The following USP40 variants were observed in gnomAD, a reference collection of about 807,000 sequenced individuals.
The protein encoded by USP40 is ubiquitin carboxyl-terminal hydrolase 40.
Under a neutral mutation model 166.2 loss-of-function variants are expected in USP40, and 143 were observed. The observed-to-expected ratio is 0.86, with a 90% CI of 0.75 to 0.99. The LOEUF is 0.99. Ranked by LOEUF, USP40 falls within the 50% of genes least tolerant of loss-of-function variation. USP40 has a pLI of 0.00. For synonymous variants in USP40, 498 were observed against 524.0 expected, an observed-to-expected ratio of 0.95 and a Z score of 0.68; for missense variants, 1,444 against 1,479.7, an observed-to-expected ratio of 0.98 and a Z score of 0.40.
intron 8 of USP40, 133 bp downstream of exon 8, chr2:233,548,968 A>G: frequency 1.3e-6 from 1 of 782,774 alleles, no homozygotes; most frequent in Admixed American, 3.4e-5. Context: ...TTGTATCTGT[A>G]TTAACTTTCA....
intron 9 of USP40, among the ~76,000 whole-genome samples, chr2:233,541,736 A>C (rs1161948786): frequency 6.6e-6 from 1 of 152,234 alleles, no homozygotes; most frequent in East Asian, 1.9e-4. Context: ...CATATTAAAC[A>C]AACTTTAAAA....
intron 10 of USP40, among the ~76,000 whole-genome samples, chr2:233,534,400 A>G (rs749939937): frequency 6.6e-6 from 1 of 152,070 alleles, no homozygotes; most frequent in Admixed American, 6.6e-5. Context: ...CTACGCCCCT[A>G]TCCTCTCACT....
At chr2:233,566,291 G>C (rs1559294682) in intron 1 of USP40, among the ~76,000 whole-genome samples, 1 of 152,108 alleles carries the variant, frequency 6.6e-6, no homozygotes, top group African/African-American at 2.4e-5. Context: ...GTTTCACATC[G>C]AGTGTGGCGG....
At chr2:233,500,141 C>G (rs1436581163) in intron 21 of USP40, among the ~76,000 whole-genome samples, 1 of 152,158 alleles carries the variant, frequency 6.6e-6, no homozygotes, top group African/African-American at 2.4e-5. Context: ...CTGGTGTTTG[C>G]AAGCAGGACT....
chr2:233,553,039 G>T (rs989943922), intron 6 of USP40, among the ~76,000 whole-genome samples: 5 of 97,474 alleles, frequency 5.1e-5, no homozygotes, highest in African/African-American at 1.9e-4. Context: ...AGATAATAAC[G>T]ACAGCAGCAG....
intron 30 of USP40, among the ~76,000 whole-genome samples, chr2:233,482,782 C>T (rs1404400234): frequency 6.6e-6 from 1 of 152,134 alleles, no homozygotes; most frequent in African/African-American, 2.4e-5. Context: ...GATCTGCCTG[C>T]CTTGGCCTCC....
At chr2:233,545,092 G>C (rs148589760) in intron 8 of USP40, among the ~76,000 whole-genome samples, 22 of 152,298 alleles carry the variant, frequency 1.4e-4, no homozygotes, top group African/African-American at 5.1e-4. Context: ...GAAGCCTACA[G>C]TCCACAATAC....
rs2067775416 is a variant in USP40 at position 233,523,162 on chromosome 2, C to T, written c.2201+8G>A. 5 of 1,592,886 alleles carry T rather than the reference C, an allele frequency of 3.1e-6. No homozygotes were observed. Among genetic ancestry groups the T allele is most frequent in the South Asian group, 2.3e-5 (2 of 88,692 alleles). On this transcript the variant is annotated splice_region_variant and intron_variant, in intron 16 of 31. Coordinates refer to ENST00000678225, the MANE Select transcript of USP40 (RefSeq NM_001365479.2). ...TTAGAAATCCTTTTTCTCTTGTTAG[C>T]GAGTTACCTGTTATCATCATGAGAA...
At position 233,475,912 on chromosome 2, in the gene USP40, A is replaced by C. The variant is rs2064161839; in HGVS notation, c.*1480T>G. ...AGCTCTGGCGTCATCAGAAGCCTCT[A>C]TCATCTCCCTCTGCAAAGACGCAGT... On this transcript the variant is annotated 3_prime_UTR_variant, in exon 32 of 32. Coordinates refer to ENST00000678225, the MANE Select transcript of USP40 (RefSeq NM_001365479.2). 6.6e-6 allele frequency: 1 copy of C among 152,388 alleles called. No homozygotes were observed. Among genetic ancestry groups the C allele is most frequent in the Non-Finnish European group, 1.5e-5 (1 of 68,046 alleles). The allele number at this position is 152,388 out of a possible 1,614,324, so 9.4% of individuals were successfully genotyped here.
chr2:233,478,249 A>G (rs1366142562), intron 31 of USP40, among the ~76,000 whole-genome samples: 1 of 152,236 alleles, frequency 6.6e-6, no homozygotes. Context: ...ATGCAGCAGG[A>G]GGTACTGTCC....
chr2:233,482,948 TCTC>T (rs2064720156), intron 30 of USP40, among the ~76,000 whole-genome samples: 1 of 152,210 alleles, frequency 6.6e-6, no homozygotes, highest in South Asian at 2.1e-4. Flanking sequence ...GCCATTCTCT[TCTC>T]CTCTGTGAAC....
rs775436341 is a variant in USP40 at position 233,549,150 on chromosome 2, T to C, written c.917A>G (p.Tyr306Cys). The change falls in exon 8 of 32, where the codon TAC (tyrosine) becomes TGC (cysteine). Residue 306 changes from tyrosine to cysteine, a missense_variant. Transcript: ENST00000678225. Reference sequence around the variant, plus strand: ...ATCAACATCTTTAATATATACATGGTAATGGCCTCCGTAGCAGCCACCTTT... The same window carrying C: ...ATCAACATCTTTAATATATACATGGCAATGGCCTCCGTAGCAGCCACCTTT... ...IHKGGCYGGH[Y>C]HVYIKDVDHL... 10 of 1,601,392 alleles carry C rather than the reference T, an allele frequency of 6.2e-6. No individual in the cohort carries two copies. Among genetic ancestry groups the C allele is most frequent in the Non-Finnish European group, 8.5e-6 (10 of 1,172,624 alleles).
chr2:233,565,527 A>G lies in USP40; in HGVS notation c.28T>C (p.Tyr10His). The change falls in exon 2 of 32, where the codon TAT (tyrosine) becomes CAT (histidine). Residue 10 changes from tyrosine to histidine, a missense_variant. By Grantham distance (83) the Tyr-to-His change is moderately conservative. Transcript: ENST00000678225. MFGDLFEEE[Y>H]STVSNNQYGK... is the part of the protein sequence containing the mutation. Reference sequence around the variant, plus strand: ...TACTGATTATTAGACACAGTGGAATACTCCTCTTCAAACAGGTCCCCAAAC... The same window carrying G: ...TACTGATTATTAGACACAGTGGAATGCTCCTCTTCAAACAGGTCCCCAAAC... 2 of 1,537,196 alleles carry G rather than the reference A, an allele frequency of 1.3e-6. No homozygotes were observed. The highest frequency in any genetic ancestry group is 1.7e-6 in the Non-Finnish European group (2 of 1,146,836).
intron 25 of USP40, 46 bp from the exon 26 acceptor site, chr2:233,491,307 TTTTG>T: frequency 7.3e-7 from 1 of 1,375,498 alleles, no homozygotes; most frequent in Non-Finnish European, 1.0e-6. Flanking sequence ...TTGAAACTTA[TTTTG>T]TGTTTCTGAA....
rs375716263 is a variant in USP40 at position 233,527,507 on chromosome 2, T to C, written c.1625A>G (p.Asn542Ser). 19 of 1,613,570 alleles carry C rather than the reference T, an allele frequency of 1.2e-5. No homozygotes were observed. In the African/African-American group the frequency reaches 1.3e-4, roughly 11 times the overall value. Residue 542 changes from asparagine to serine, a missense_variant, in exon 13 of 32, where the codon AAT becomes AGT. Physicochemically the swap from Asn to Ser is conservative, Grantham distance 46. Coordinates refer to ENST00000678225, the MANE Select transcript of USP40 (RefSeq NM_001365479.2). ...AGAGACTACTGGGTGCAGAGCCCCA[T>C]TGAAGAAATGATACTGAGGGCCCAG... Reference protein sequence around the residue: ...LHLGPQYHFFNGALHPVVSQT... With the variant: ...LHLGPQYHFFSGALHPVVSQT...
intron 25 of USP40, among the ~76,000 whole-genome samples, chr2:233,491,578 A>G (rs187769303): frequency 1.3e-5 from 2 of 150,846 alleles, no homozygotes; most frequent in Non-Finnish European, 1.5e-5. Flanking sequence ...TTTCCTCATC[A>G]TAACACTCAT....
intron 18 of USP40, among the ~76,000 whole-genome samples, chr2:233,516,173 G>A (rs2067179072): frequency 6.6e-6 from 1 of 151,404 alleles, no homozygotes; most frequent in Admixed American, 6.6e-5. Flanking sequence ...CTCTCTATAT[G>A]TCTACCTGTA....
chr2:233,510,392 CTTTTTTTTTTTTTT>C (rs1158427662), intron 20 of USP40, among the ~76,000 whole-genome samples: 1 of 68,682 alleles, frequency 1.5e-5, no homozygotes, highest in African/African-American at 6.8e-5. Context: ...CTTTTTCTTT[CTTTTTTTTTTTTTT>C]TTTTTTTTTT....
At chr2:233,556,266 C>A (rs531439679) in intron 5 of USP40, among the ~76,000 whole-genome samples, 114 of 147,900 alleles carry the variant, frequency 7.7e-4, no homozygotes, top group Middle Eastern at 3.5e-3. Context: ...AACAGGATTA[C>A]ATTTACATGA....
Sources: gnomAD v4.1 joint callset for allele counts (sites outside exome capture counted in the v4.1 genomes callset) on GRCh38, gnomAD v4.1.1 for gene constraint, MANE v1.5 for transcripts, NCBI Gene and HGNC (gene_info 2026-07-23, HGNC 2026-07-21) for gene names.